Variants in ABCD2 observed in about 807,000 individuals in gnomAD.
The protein encoded by ABCD2 is ATP-binding cassette sub-family D member 2.
Under a neutral mutation model 70.9 loss-of-function variants are expected in ABCD2, and 36 were observed. The ratio of observed to expected loss-of-function variants is 0.51; its 90% CI spans 0.39 to 0.67. The LOEUF (loss-of-function observed/expected upper bound fraction) is 0.67, where lower values mean the gene tolerates loss of function less well. Ranked by LOEUF, ABCD2 falls within the 30% of genes least tolerant of loss-of-function variation. The probability of loss-of-function intolerance (pLI) is 0.00; values close to 1 mark genes in which losing one functional copy is unlikely to be tolerated. For synonymous variants in ABCD2, 304 were observed against 306.9 expected (o/e 0.99, Z 0.10); for missense variants, 729 against 890.2 (o/e 0.82, Z 2.30).
the ABCD2 span, among the ~76,000 whole-genome samples, chr12:39,538,663 C>T: frequency 6.6e-6 from 1 of 152,068 alleles, no homozygotes; most frequent in Admixed American, 6.6e-5. Context: ...GTGAGAAATT[C>T]TCCCTGGGGC....
At chr12:39,578,331 G>A (rs1389249182) in intron 8 of ABCD2, among the ~76,000 whole-genome samples, 2 of 152,012 alleles carry the variant, frequency 1.3e-5, no homozygotes, top group Admixed American at 6.6e-5. Context: ...AAAATTAGCC[G>A]GGCTTGGTGG....
At chr12:39,567,526 C>G (rs1457020104) in intron 9 of ABCD2, among the ~76,000 whole-genome samples, 1 of 152,124 alleles carries the variant, frequency 6.6e-6, no homozygotes, top group Non-Finnish European at 1.5e-5. Context: ...ATGTGTGTCT[C>G]TGAACATGAG....
intron 9 of ABCD2, among the ~76,000 whole-genome samples, chr12:39,565,838 A>C (rs188805087): frequency 1.1e-3 from 165 of 152,286 alleles, no homozygotes; most frequent in Middle Eastern, 3.4e-3. Flanking sequence ...TTTAGCATGA[A>C]GGGTTGTTGA....
chr12:39,534,754 A>AAG, the ABCD2 span, among the ~76,000 whole-genome samples: 32 of 95,462 alleles, frequency 3.4e-4, no homozygotes, highest in Non-Finnish European at 5.3e-4. Flanking sequence ...GAAGGAAAGA[A>AAG]AGAAAGAGAA....
chr12:39,570,444 CA>C (rs1380212741), intron 9 of ABCD2, among the ~76,000 whole-genome samples: 1 of 152,080 alleles, frequency 6.6e-6, no homozygotes, highest in African/African-American at 2.4e-5. Flanking sequence ...TATTTATAGT[CA>C]ACTGATTTTC....
Position 39,573,768 on chromosome 12 carries a change from C to T in ABCD2, c.1951G>A (p.Ala651Thr). ...AGTAAGGAAATTCCAGCCCCTTTTG[C>T]AGCCTGAAATATCTTTCCTTCGACA... Reference protein sequence around the residue: ...IDVEGKIFQAAKGAGISLLSI... With the variant: ...IDVEGKIFQATKGAGISLLSI... Residue 651 changes from alanine (A) to threonine (T), a missense_variant, in exon 9 of 10, where the codon GCA becomes ACA. Transcript: ENST00000308666. 6.2e-7 allele frequency: 1 copy of T among 1,613,414 alleles called. No homozygotes were observed. The highest frequency in any genetic ancestry group is 8.5e-7 in the Non-Finnish European group (1 of 1,179,448).
chr12:39,537,949 G>C, the ABCD2 span, among the ~76,000 whole-genome samples: 3 of 152,178 alleles, frequency 2.0e-5, no homozygotes, highest in Non-Finnish European at 4.4e-5. Context: ...CAGGAGAATA[G>C]GGTCTGGAGG....
At chr12:39,585,600 A>T (rs1236728376) in intron 7 of ABCD2, among the ~76,000 whole-genome samples, 2 of 152,108 alleles carry the variant, frequency 1.3e-5, no homozygotes, top group Non-Finnish European at 2.9e-5. Context: ...ATTATTAGAC[A>T]ATAATTCTAT....
chr12:39,555,618 T>C (rs1344054708), intron 9 of ABCD2, among the ~76,000 whole-genome samples: 1 of 152,082 alleles, frequency 6.6e-6, no homozygotes, highest in Non-Finnish European at 1.5e-5. Flanking sequence ...AAGAGAGGGA[T>C]GTAAGCATAA....
chr12:39,589,073 G>A (rs1049971702), intron 6 of ABCD2, among the ~76,000 whole-genome samples: 1 of 152,020 alleles, frequency 6.6e-6, no homozygotes, highest in African/African-American at 2.4e-5. Flanking sequence ...ATTAATTAGG[G>A]GTAAAGGTGT....
Position 39,554,137 on chromosome 12 carries a change from T to G in ABCD2, c.2004-6A>C. 1 of 1,598,698 alleles carries G rather than the reference T, an allele frequency of 6.3e-7. No homozygotes were observed. Among genetic ancestry groups the G allele is most frequent in the Non-Finnish European group, 8.5e-7 (1 of 1,172,110 alleles). On this transcript the variant is annotated splice_region_variant and splice_polypyrimidine_tract_variant and intron_variant, in intron 9 of 9. Coordinates refer to ENST00000308666, the MANE Select transcript of ABCD2 (RefSeq NM_005164.4). Reference sequence around the variant, plus strand: ...ATAAATGTGTGTGGTATTTCCTGCATAATTAAAATGAAATAATATTATTAG... The same window carrying G: ...ATAAATGTGTGTGGTATTTCCTGCAGAATTAAAATGAAATAATATTATTAG...
At chr12:39,595,977 A>T (rs1171937855) in intron 6 of ABCD2, among the ~76,000 whole-genome samples, 2 of 152,220 alleles carry the variant, frequency 1.3e-5, no homozygotes, top group Non-Finnish European at 2.9e-5. Flanking sequence ...GCAGCAAACG[A>T]GTAAGGACTG....
the ABCD2 span, among the ~76,000 whole-genome samples, chr12:39,533,465 T>C: frequency 1.3e-5 from 2 of 152,282 alleles, no homozygotes; most frequent in South Asian, 4.1e-4. Context: ...CTGAAAGAGA[T>C]GAATGAATTA....
At chr12:39,584,673 C>T (rs1035772400) in intron 7 of ABCD2, among the ~76,000 whole-genome samples, 10 of 152,246 alleles carry the variant, frequency 6.6e-5, no homozygotes, top group African/African-American at 2.4e-4. Flanking sequence ...AGTCTCTAAT[C>T]CATCTTGTGT....
intron 2 of ABCD2, among the ~76,000 whole-genome samples, chr12:39,611,393 A>G (rs1233328205): frequency 6.6e-6 from 1 of 152,102 alleles, no homozygotes; most frequent in Non-Finnish European, 1.5e-5. Flanking sequence ...CTAAAGAAAT[A>G]AGGTGTATTA....
intron 2 of ABCD2, among the ~76,000 whole-genome samples, chr12:39,610,788 T>C (rs943230646): frequency 2.0e-5 from 3 of 152,326 alleles, no homozygotes; most frequent in East Asian, 3.9e-4. Flanking sequence ...GATCAGATTT[T>C]ATGTGGCTTT....
chr12:39,591,852 C>T (rs1350283605), intron 6 of ABCD2, among the ~76,000 whole-genome samples: 1 of 151,878 alleles, frequency 6.6e-6, no homozygotes, highest in African/African-American at 2.4e-5. Flanking sequence ...GATATTTGAC[C>T]TATAAAAATT....
intron 6 of ABCD2, among the ~76,000 whole-genome samples, chr12:39,594,260 T>G (rs77990063): frequency 0.018 from 2,794 of 152,300 alleles, 94 homozygotes; most frequent in African/African-American, 0.062. Context: ...ATTTATCCAC[T>G]GGAGGACTTA....
chr12:39,579,557 T>C lies in ABCD2; in HGVS notation c.1855A>G (p.Met619Val), dbSNP rs1941567652. 4.3e-6 allele frequency: 7 copies of C among 1,613,312 alleles called. No individual in the cohort carries two copies. The highest frequency in any genetic ancestry group is 5.1e-6 in the Non-Finnish European group (6 of 1,179,482). Residue 619 changes from methionine to valine, a missense_variant, in exon 8 of 10, where the codon ATG becomes GTG. Coordinates refer to ENST00000308666, the MANE Select transcript of ABCD2 (RefSeq NM_005164.4). ...LSGGEKQRMG[M>V]ARMFYHKPKY... is the part of the protein sequence containing the mutation. ...TACTTATGATAAAACATACGAGCCA[T>C]GCCCATTCTTTGCTTTTCCCCTCCT...
Sources: gnomAD v4.1 joint callset for allele counts (sites outside exome capture counted in the v4.1 genomes callset) on GRCh38, gnomAD v4.1.1 for gene constraint, MANE v1.5 for transcripts, NCBI Gene and HGNC (gene_info 2026-07-23, HGNC 2026-07-21) for gene names.